Variants in NBEAL1 observed in about 807,000 individuals in gnomAD.
The protein encoded by NBEAL1 is neurobeachin-like protein 1.
NBEAL1 carries 273 observed loss-of-function variants against 351.3 expected under a neutral mutation model. That is an observed-to-expected ratio of 0.78 (90% CI 0.70 to 0.86). NBEAL1 has a LOEUF of 0.86. Ranked by LOEUF, NBEAL1 falls within the 40% of genes least tolerant of loss-of-function variation. The pLI is 0.00. For missense variants in NBEAL1, 2,961 were observed against 3,201.3 expected (o/e 0.92, Z 1.81); for synonymous variants, 1,050 against 1,086.4 (o/e 0.97, Z 0.66).
At position 203,126,065 on chromosome 2, in the gene NBEAL1, T is replaced by A; in HGVS notation, c.2957T>A (p.Val986Asp). 2 of 1,544,160 alleles carry A rather than the reference T, an allele frequency of 1.3e-6. No individual in the cohort carries two copies. Among genetic ancestry groups the A allele is most frequent in the Non-Finnish European group, 1.7e-6 (2 of 1,144,278 alleles). ...NQGNLIHSHG[V>D]ATLGALLQKV... Reference sequence around the variant, plus strand: ...GGCAATCTTATTCACTCCCATGGAGTTGCAACTCTTGGTGCTTTACTTCAG... The same window carrying A: ...GGCAATCTTATTCACTCCCATGGAGATGCAACTCTTGGTGCTTTACTTCAG... The change falls in exon 21 of 56, where the codon GTT becomes GAT. Residue 986 changes from valine to aspartate, a missense_variant. Physicochemically the swap from Val to Asp is radical, Grantham distance 152. Coordinates refer to ENST00000683969, the MANE Select transcript of NBEAL1 (RefSeq NM_001378026.1).
intron 2 of NBEAL1, among the ~76,000 whole-genome samples, chr2:203,041,089 C>T (rs972353619): frequency 6.6e-6 from 1 of 152,154 alleles, no homozygotes; most frequent in Admixed American, 6.5e-5. Context: ...AGGAAAAAGT[C>T]CAGTGTTTTC....
At position 203,130,408 on chromosome 2, in the gene NBEAL1, G is replaced by T. The variant is rs921012658; in HGVS notation, c.3496G>T (p.Ala1166Ser). Reference sequence around the variant, plus strand: ...CTTACTGCTTTTTGAACCAGGAAATGCTGACATACTGTACGCATTGCTCTT... The same window carrying T: ...CTTACTGCTTTTTGAACCAGGAAATTCTGACATACTGTACGCATTGCTCTT... ...LFLLLFEPGN[A>S]DILYALLLNQ... Residue 1166 changes from alanine (A) to serine (S), a missense_variant, in exon 25 of 56, where the codon GCT becomes TCT. Physicochemically the swap from Ala to Ser is moderately conservative, Grantham distance 99. Coordinates refer to ENST00000683969, the MANE Select transcript of NBEAL1 (RefSeq NM_001378026.1). The T allele has an allele frequency of 1.5e-5, 23 of 1,533,352 alleles. No individual in the cohort carries two copies. Among genetic ancestry groups the T allele is most frequent in the Non-Finnish European group, 1.9e-5 (22 of 1,140,470 alleles). The allele number at this position is 1,533,352 out of a possible 1,614,324, so 95.0% of individuals were successfully genotyped here.
chr2:203,068,509 T>C, intron 7 of NBEAL1, 34 bp downstream of exon 7: 1 of 1,197,012 alleles, frequency 8.4e-7, no homozygotes. Flanking sequence ...TTGCTATGAT[T>C]ATCATCTTAC....
At chr2:203,122,659 A>T (rs1414637081) in intron 19 of NBEAL1, among the ~76,000 whole-genome samples, 1 of 152,162 alleles carries the variant, frequency 6.6e-6, no homozygotes, top group African/African-American at 2.4e-5. Flanking sequence ...TGTTTTTGCC[A>T]TGTCTGTATG....
At chr2:203,020,361 A>G (rs1268086288) in intron 2 of NBEAL1, among the ~76,000 whole-genome samples, 1 of 152,200 alleles carries the variant, frequency 6.6e-6, no homozygotes, top group Non-Finnish European at 1.5e-5. Context: ...TCACCAGTGT[A>G]TAAGACTATT....
rs961637556 is a variant in NBEAL1, at chr2:203,110,108, A to G, written c.1950-42A>G. ...TGTACTTTAATGATGATGAAACTGA[A>G]CAACCAACTTTAAAAGTTCTGATAA... On this transcript the variant is annotated intron_variant, in intron 14 of 55. Transcript: ENST00000683969. The G allele has an allele frequency of 2.6e-6, 4 of 1,524,930 alleles. No individual in the cohort carries two copies. In the African/African-American group the frequency reaches 4.2e-5, roughly 16 times the overall value. 94.5% of individuals were successfully genotyped at this position (1,524,930 alleles called of 1,614,324 possible). A position where few individuals can be genotyped will look rare whatever the true frequency, so the allele number is the denominator to read the frequency against.
chr2:203,080,268 C>T (rs1362393214), intron 8 of NBEAL1, among the ~76,000 whole-genome samples: 2 of 152,030 alleles, frequency 1.3e-5, no homozygotes, highest in East Asian at 1.9e-4. Flanking sequence ...AAAAATTAGC[C>T]GGGCATGGTG....
Position 203,151,542 on chromosome 2 carries a change from A to G in NBEAL1, c.5540A>G (p.Tyr1847Cys). 3.7e-6 allele frequency: 6 copies of G among 1,611,102 alleles called. No individual in the cohort carries two copies. The South Asian group carries it at 6.6e-5, about 18-fold the overall frequency. ...SRMRLKLVPN[Y>C]NFKTHEEASA... ...ATGAGACTTAAGCTGGTACCGAATTATAATTTCAAAACCCATGAGGAAGCT... is the reference window on the plus strand; with the variant it reads ...ATGAGACTTAAGCTGGTACCGAATTGTAATTTCAAAACCCATGAGGAAGCT... The change falls in exon 35 of 56, where the codon TAT becomes TGT. Residue 1847 changes from tyrosine to cysteine, a missense_variant. By Grantham distance (194) the Tyr-to-Cys change is radical. Transcript: ENST00000683969.
chr2:203,055,932 A>C (rs1291572510), intron 4 of NBEAL1, among the ~76,000 whole-genome samples: 1 of 152,172 alleles, frequency 6.6e-6, no homozygotes, highest in Non-Finnish European at 1.5e-5. Context: ...AAGGACTTTT[A>C]ATGTAGTTGA....
intron 18 of NBEAL1, among the ~76,000 whole-genome samples, chr2:203,117,690 C>T (rs961330088): frequency 4.6e-5 from 7 of 152,130 alleles, no homozygotes; most frequent in Middle Eastern, 3.4e-3. Flanking sequence ...CACCCCACAC[C>T]GTTTTTTTGG....
intron 6 of NBEAL1, among the ~76,000 whole-genome samples, chr2:203,063,398 G>C (rs1285441260): frequency 7.2e-6 from 1 of 139,338 alleles, no homozygotes; most frequent in Non-Finnish European, 1.6e-5. Flanking sequence ...AGTGAGCTAT[G>C]ATCACACTAT....
chr2:203,048,288 A>G (rs1233016655), intron 3 of NBEAL1, among the ~76,000 whole-genome samples: 1 of 151,158 alleles, frequency 6.6e-6, no homozygotes, highest in Non-Finnish European at 1.5e-5. Flanking sequence ...AGCCTGAGGC[A>G]TGAGAATCCC....
At chr2:203,024,794 G>A (rs1048942131) in intron 2 of NBEAL1, among the ~76,000 whole-genome samples, 2 of 151,742 alleles carry the variant, frequency 1.3e-5, no homozygotes, top group African/African-American at 4.8e-5. Context: ...CCTGGGGGGC[G>A]GAGACTGTAG....
chr2:203,161,055 C>T (rs60795531), intron 36 of NBEAL1, among the ~76,000 whole-genome samples: 25,593 of 152,054 alleles, frequency 0.17, 2,626 homozygotes, highest in East Asian at 0.52. Flanking sequence ...AGGCTGGGCA[C>T]GGTGGCTTAC....
intron 10 of NBEAL1, chr2:203,084,889 G>A: frequency 5.6e-6 from 1 of 180,152 alleles, no homozygotes; most frequent in Non-Finnish European, 1.2e-5. Flanking sequence ...AACTATTTGT[G>A]TCTGAATATA....
chr2:203,191,378 A>G (rs1053835812), intron 46 of NBEAL1: 4 of 188,522 alleles, frequency 2.1e-5, no homozygotes, highest in South Asian at 2.7e-4. Context: ...TCAAATTATT[A>G]AATATTACTA....
chr2:203,126,461 A>G, intron 21 of NBEAL1, 96 bp from the exon 22 acceptor site: 1 of 992,796 alleles, frequency 1.0e-6, no homozygotes, highest in East Asian at 3.1e-5. Context: ...TTCTATTTTT[A>G]TACTTAGTAG....
In NBEAL1 at chr2:203,137,096, G is replaced by GT. The variant is rs919842622; in HGVS notation, c.4565+325dup. Reference sequence around the variant, plus strand: ...TCTACAGGCTTGTCCAAATTTGAGTGTTTCCGTGCTAAGAGAACGGAGTTG... The same window carrying GT: ...TCTACAGGCTTGTCCAAATTTGAGTGTTTTCCGTGCTAAGAGAACGGAGTTG... On this transcript the variant is annotated intron_variant, in intron 29 of 55. Coordinates refer to ENST00000683969, the MANE Select transcript of NBEAL1 (RefSeq NM_001378026.1). Among the ~76,000 whole-genome samples the GT allele has an allele frequency of 2.2e-4, 33 of 152,272 alleles. No homozygotes were observed. In the Middle Eastern group the frequency reaches 0.01, roughly 47 times the overall value.
At chr2:203,115,706 A>G (rs961915739) in intron 17 of NBEAL1, among the ~76,000 whole-genome samples, 1 of 152,186 alleles carries the variant, frequency 6.6e-6, no homozygotes, top group African/African-American at 2.4e-5. Flanking sequence ...CTGGGATTAC[A>G]GGCATGAGCT....
Sources: allele counts gnomAD v4.1 joint callset (sites outside exome capture counted in the v4.1 genomes callset), GRCh38; gene constraint gnomAD v4.1.1; transcripts MANE v1.5; gene names NCBI Gene and HGNC (gene_info 2026-07-23, HGNC 2026-07-21).